The following MMP8 variants were observed in gnomAD, a reference collection of about 807,000 sequenced individuals.
The protein encoded by MMP8 is neutrophil collagenase.
MMP8 carries 67 observed loss-of-function variants against 51.2 expected under a neutral mutation model. That is an observed-to-expected ratio of 1.31 (90% CI 1.08 to 1.60). The LOEUF is 1.60. MMP8 is among the 40% of genes most tolerant of loss of function. The probability of loss-of-function intolerance (pLI) is 0.00; values close to 1 mark genes in which losing one functional copy is unlikely to be tolerated. For missense variants in MMP8, 654 were observed against 558.1 expected (o/e 1.17, Z -1.73); for synonymous variants, 225 against 191.0 (o/e 1.18, Z -1.47).
Position 102,714,762 on chromosome 11 carries a change from TTATATATATATATATATATATATATA to T in MMP8, c.1037-79_1037-54del, listed in dbSNP as rs58774554. 5.7e-4 allele frequency: 100 copies of T among 176,640 alleles called. 13 individuals carry two copies. Among genetic ancestry groups the T allele is most frequent in the East Asian group, 4.8e-3 (19 of 3,932 alleles). 10.9% of individuals were successfully genotyped at this position (176,640 alleles called of 1,614,324 possible). The stretch of plus-strand genomic sequence containing the variant: ...ATACGACTTTTCCATTTTTACAAAA[TTATATATATATATATATATATATATA>T]TATATATATATATATATACCACTTC... On this transcript the variant is annotated intron_variant, in intron 7 of 9. Coordinates refer to ENST00000236826, the MANE Select transcript of MMP8 (RefSeq NM_002424.3).
chr11:102,723,016 T>C, intron 1 of MMP8: 1 of 1,297,962 alleles, frequency 7.7e-7, no homozygotes, highest in Non-Finnish European at 1.0e-6. Flanking sequence ...TTGAGGTATT[T>C]GTTGCATCAG....
chr11:102,723,958 T>C, intron 1 of MMP8: 1 of 325,234 alleles, frequency 3.1e-6, no homozygotes, highest in South Asian at 2.5e-5. Context: ...GAAATGAAAA[T>C]AATAATGCTC....
At chr11:102,713,979 T>C in intron 8 of MMP8, 122 bp from the exon 9 acceptor site, 2 of 586,580 alleles carry the variant, frequency 3.4e-6, no homozygotes, top group Non-Finnish European at 5.9e-6. Flanking sequence ...GTTCTCACAA[T>C]GCCCTGTTTA....
rs1212739299 is a variant in MMP8, at chr11:102,721,535, A to C, written c.497-9T>G. The C allele has an allele frequency of 9.9e-6, 16 of 1,613,714 alleles. No individual in the cohort carries two copies. The highest frequency in any genetic ancestry group is 1.3e-5 in the African/African-American group (1 of 74,902). On this transcript the variant is annotated splice_polypyrimidine_tract_variant and intron_variant, in intron 3 of 9. Transcript: ENST00000236826. ...AGAATTGTCACCGTGATCTGAAATAAGAACATTTGTATTAGATCCTTGCCA... is the reference window on the plus strand; with the variant it reads ...AGAATTGTCACCGTGATCTGAAATACGAACATTTGTATTAGATCCTTGCCA...
intron 4 of MMP8, 69 bp downstream of exon 4, chr11:102,721,331 TG>T: frequency 1.3e-6 from 2 of 1,570,208 alleles, no homozygotes; most frequent in Non-Finnish European, 1.7e-6. Context: ...TGTGTGTGTG[TG>T]TGTGTGTATT....
At chr11:102,717,270 C>A (rs1221749348) in intron 5 of MMP8, among the ~76,000 whole-genome samples, 1 of 152,114 alleles carries the variant, frequency 6.6e-6, no homozygotes, top group African/African-American at 2.4e-5. Flanking sequence ...GAAGGGCAAG[C>A]GTGAAGAGAG....
Position 102,713,767 on chromosome 11 carries a change from A to C in MMP8, c.1281T>G (p.Val427=). 2 of 1,604,400 alleles carry C rather than the reference A, an allele frequency of 1.2e-6. No individual in the cohort carries two copies. The highest frequency in any genetic ancestry group is 1.7e-6 in the Non-Finnish European group (2 of 1,176,978). ...TTTCCTACTTACGTTCTTGCTGGAA[A>C]ACTGCATCAACTTTACTCTCTATTC... ...FPGIESKVDA[V]FQQEHFFHVF... Residue 427 remains valine (V), a synonymous_variant, in exon 9 of 10, where the codon GTT becomes GTG. Transcript: ENST00000236826.
At chr11:102,721,807 C>G (rs368115840) in intron 2 of MMP8, 45 bp from the exon 3 acceptor site, 17 of 1,600,274 alleles carry the variant, frequency 1.1e-5, no homozygotes, top group Non-Finnish European at 1.4e-5. Context: ...TTATTTAGAA[C>G]AGTAGTCCAT....
chr11:102,716,460 G>A (rs1374688218), intron 5 of MMP8, 41 bp from the exon 6 acceptor site: 2 of 1,218,736 alleles, frequency 1.6e-6, no homozygotes, highest in Non-Finnish European at 2.3e-6. Context: ...TCTTTCTTAT[G>A]AGAGTAAGTC....
rs1374465113 is a variant in MMP8, at chr11:102,721,490, C to A, written c.533G>T (p.Gly178Val). ...TGGCTGAAAGGCATGAGCAAGGATT[C>A]CATTGGGTCCATCAAATGGAGAATT... ...GDNSPFDGPNGILAHAFQPGQ... is the reference protein window; with the variant it reads ...GDNSPFDGPNVILAHAFQPGQ... Residue 178 changes from glycine (G) to valine (V), a missense_variant, in exon 4 of 10, where the codon GGA becomes GTA. By Grantham distance (109) the Gly-to-Val change is moderately radical. Coordinates refer to ENST00000236826, the MANE Select transcript of MMP8 (RefSeq NM_002424.3). 6.2e-7 allele frequency: 1 copy of A among 1,613,862 alleles called. No homozygotes were observed. Among genetic ancestry groups the A allele is most frequent in the South Asian group, 1.1e-5 (1 of 91,074 alleles).
At chr11:102,723,407 C>T (rs1267186636) in intron 1 of MMP8, 1 of 403,980 alleles carries the variant, frequency 2.5e-6, no homozygotes. Flanking sequence ...GTGTCTTAGT[C>T]CATTTTCTGT....
intron 5 of MMP8, 26 bp downstream of exon 5, chr11:102,718,388 C>A (rs750422948): frequency 6.3e-7 from 1 of 1,596,786 alleles, no homozygotes; most frequent in Non-Finnish European, 8.5e-7. Context: ...CTACCATGTA[C>A]TATGACTCTC....
At chr11:102,722,972 C>CA (rs1190577748) in intron 1 of MMP8, 3 of 1,324,524 alleles carry the variant, frequency 2.3e-6, no homozygotes, top group Non-Finnish European at 3.0e-6. Flanking sequence ...CTTGTTTTTA[C>CA]AAAAAAATTA....
At chr11:102,717,164 A>T (rs1861322605) in intron 5 of MMP8, among the ~76,000 whole-genome samples, 1 of 151,856 alleles carries the variant, frequency 6.6e-6, no homozygotes, top group South Asian at 2.1e-4. Flanking sequence ...ATTATATTTC[A>T]CTCCAATCCA....
chr11:102,719,746 C>T (rs1054285266), intron 4 of MMP8, among the ~76,000 whole-genome samples: 2 of 152,080 alleles, frequency 1.3e-5, no homozygotes, highest in Non-Finnish European at 2.9e-5. Flanking sequence ...CTTGGAATAC[C>T]GTGAAAGGAA....
chr11:102,716,201 A>G (rs1861287681), intron 6 of MMP8, 101 bp downstream of exon 6: 2 of 844,530 alleles, frequency 2.4e-6, no homozygotes, highest in African/African-American at 3.4e-5. Context: ...GCACAAGTAT[A>G]GAATTCAAGG....
rs761114706 is a variant in MMP8 at position 102,713,456 on chromosome 11, A to T, written c.1296T>A (p.His432Gln). The T allele has an allele frequency of 2.6e-5, 41 of 1,603,626 alleles. No individual in the cohort carries two copies. The Admixed American group carries it at 6.3e-4, about 25-fold the overall frequency. ...TTGGTCCACTGAAGACATGGAAGAA[A>T]TCTATAAAAAAAGAGAGATAATTTA... ...SKVDAVFQQE[H>Q]FFHVFSGPRY... is the part of the protein sequence containing the mutation. The change falls in exon 10 of 10, where the codon CAT becomes CAA. Residue 432 changes from histidine to glutamine, a missense_variant and splice_region_variant. Coordinates refer to ENST00000236826, the MANE Select transcript of MMP8 (RefSeq NM_002424.3).
rs1555095765 is a variant in MMP8 at position 102,718,586 on chromosome 11, A to G, written c.623-11T>C. 3 of 1,613,736 alleles carry G rather than the reference A, an allele frequency of 1.9e-6. No homozygotes were observed. Among genetic ancestry groups the G allele is most frequent in the Non-Finnish European group, 2.5e-6 (3 of 1,179,742 alleles). ...GAAACAAGTTGTAATCTGAAATGCA[A>G]ACACGGGTGGTAAACAGCTCAGTGT... is the stretch of plus-strand genomic sequence containing the variant. On this transcript the variant is annotated splice_polypyrimidine_tract_variant and intron_variant, in intron 4 of 9. Coordinates refer to ENST00000236826, the MANE Select transcript of MMP8 (RefSeq NM_002424.3).
rs71478595 is a variant in MMP8 at position 102,716,832 on chromosome 11, C to T, written c.785-413G>A. Among the ~76,000 whole-genome samples the T allele has an allele frequency of 4.6e-5, 7 of 152,196 alleles. 1 individual carries two copies. The East Asian group carries it at 1.3e-3, about 29-fold the overall frequency. ...TAGTCTTTTACGCTATAGCATACAC[C>T]TAAGTCAAATTTTAGCAATATTTTT... is the stretch of plus-strand genomic sequence containing the variant. On this transcript the variant is annotated intron_variant, in intron 5 of 9. Transcript: ENST00000236826.
Sources: allele counts gnomAD v4.1 joint callset (sites outside exome capture counted in the v4.1 genomes callset), GRCh38; gene constraint gnomAD v4.1.1; transcripts MANE v1.5; gene names NCBI Gene and HGNC (gene_info 2026-07-23, HGNC 2026-07-21).